LTA4H: variants seen among roughly 807,000 people sequenced by gnomAD.
LTA4H encodes leukotriene A-4 hydrolase.
LTA4H carries 59 observed loss-of-function variants against 89.8 expected under a neutral mutation model. The ratio of observed to expected loss-of-function variants is 0.66; its 90% CI spans 0.53 to 0.82. The LOEUF (loss-of-function observed/expected upper bound fraction) is 0.82, where lower values mean the gene tolerates loss of function less well. Among genes scored for constraint, LTA4H ranks in the 40% least tolerant of loss-of-function variants. LTA4H has a pLI of 0.00. For missense variants in LTA4H, 617 were observed against 727.0 expected (o/e 0.85, Z 1.74); for synonymous variants, 227 against 253.1 (o/e 0.90, Z 0.98).
chr12:96,026,232 T>A (rs1169291689), intron 3 of LTA4H, among the ~76,000 whole-genome samples: 1 of 152,212 alleles, frequency 6.6e-6, no homozygotes, highest in Non-Finnish European at 1.5e-5. Context: ...GGTTTTTAAA[T>A]GTATTTCATT....
chr12:96,035,971 C>G (rs975426542), upstream of LTA4H, among the ~76,000 whole-genome samples: 6 of 152,154 alleles, frequency 3.9e-5, no homozygotes, highest in East Asian at 3.9e-4. Flanking sequence ...GAGGGCGGGG[C>G]GGAGCAAAAA....
intron 1 of LTA4H, 59 bp downstream of exon 1, chr12:96,035,302 T>G: frequency 3.2e-6 from 5 of 1,540,516 alleles, no homozygotes; most frequent in Non-Finnish European, 4.4e-6. Context: ...CCGCAAGGAC[T>G]AGGGTCGAGG....
At chr12:96,024,601 T>G (rs1236952693) in intron 3 of LTA4H, 54 bp from the exon 4 acceptor site, 3 of 1,092,118 alleles carry the variant, frequency 2.7e-6, no homozygotes, top group Non-Finnish European at 1.4e-6. Flanking sequence ...CATAAGTCAT[T>G]AAGAAATCAT....
chr12:96,025,669 C>T (rs763508116), intron 3 of LTA4H, among the ~76,000 whole-genome samples: 9 of 151,378 alleles, frequency 5.9e-5, no homozygotes, highest in Non-Finnish European at 1.0e-4. Flanking sequence ...TACCTCTACA[C>T]AAAAAAAATT....
Position 96,021,077 on chromosome 12 carries a change from A to C in LTA4H, c.638+8T>G. ...TCCACAAACCTGAAAATTTTTCCAA[A>C]AGCTCACCTGCTTTCTAAAGCTCCA... is the stretch of plus-strand genomic sequence containing the variant. On this transcript the variant is annotated splice_region_variant and intron_variant, in intron 6 of 18. Transcript: ENST00000228740. 2 of 1,599,650 alleles carry C rather than the reference A, an allele frequency of 1.3e-6. No homozygotes were observed. The highest frequency in any genetic ancestry group is 1.8e-5 in the Admixed American group (1 of 55,712).
At chr12:96,031,522 GT>G (rs1481800897) in intron 1 of LTA4H, among the ~76,000 whole-genome samples, 12 of 152,288 alleles carry the variant, frequency 7.9e-5, no homozygotes, top group African/African-American at 2.6e-4. Flanking sequence ...TAAGAAACGT[GT>G]TAAGCATCAA....
At chr12:96,005,511 G>C (rs1209976788) in intron 16 of LTA4H, among the ~76,000 whole-genome samples, 1 of 152,052 alleles carries the variant, frequency 6.6e-6, no homozygotes, top group Non-Finnish European at 1.5e-5. Context: ...AGCTTTTCTA[G>C]TGTTACCTTC....
At chr12:96,034,454 G>A (rs1164767979) in intron 1 of LTA4H, among the ~76,000 whole-genome samples, 1 of 152,132 alleles carries the variant, frequency 6.6e-6, no homozygotes, top group Non-Finnish European at 1.5e-5. Flanking sequence ...CATTCCAATG[G>A]TTATAGAGTT....
At chr12:96,017,532 G>T in intron 9 of LTA4H, 25 bp downstream of exon 9, 1 of 1,595,920 alleles carries the variant, frequency 6.3e-7, no homozygotes, top group Non-Finnish European at 8.6e-7. Flanking sequence ...TGAAGGTAAG[G>T]CCATAATGAA....
At chr12:96,016,036 G>C (rs1052639123) in intron 10 of LTA4H, among the ~76,000 whole-genome samples, 2 of 152,196 alleles carry the variant, frequency 1.3e-5, no homozygotes, top group Non-Finnish European at 2.9e-5. Flanking sequence ...CTTGTTGGCC[G>C]GGCATGGTGG....
In LTA4H at chr12:96,024,489, T is replaced by C; in HGVS notation, c.470A>G (p.Tyr157Cys). Reference protein sequence around the residue: ...CQDTPSVKLTYTAEVSVPKEL... With the variant: ...CQDTPSVKLTCTAEVSVPKEL... ...ATTCGTAATATTTACCTCTGCAGTA[T>C]AGGTTAATTTCACAGAAGGAGTGTC... Residue 157 changes from tyrosine (Y) to cysteine (C), a missense_variant, in exon 4 of 19, where the codon TAT (tyrosine) becomes TGT (cysteine). Transcript: ENST00000228740. 6.2e-7 allele frequency: 1 copy of C among 1,601,588 alleles called. No individual in the cohort carries two copies. Among genetic ancestry groups the C allele is most frequent in the South Asian group, 1.1e-5 (1 of 90,776 alleles).
chr12:96,024,462 T>C lies in LTA4H; in HGVS notation c.480+17A>G. On this transcript the variant is annotated intron_variant, in intron 4 of 18. Coordinates refer to ENST00000228740, the MANE Select transcript of LTA4H (RefSeq NM_000895.3). Reference sequence around the variant, plus strand: ...GATATGCATCATTTAATTGAGTTAATAATTCGTAATATTTACCTCTGCAGT... The same window carrying C: ...GATATGCATCATTTAATTGAGTTAACAATTCGTAATATTTACCTCTGCAGT... 6.8e-7 allele frequency: 1 copy of C among 1,479,910 alleles called. No individual in the cohort carries two copies. The highest frequency in any genetic ancestry group is 9.4e-7 in the Non-Finnish European group (1 of 1,060,066). 91.7% of individuals were successfully genotyped at this position (1,479,910 alleles called of 1,614,324 possible).
At chr12:96,024,981 T>C (rs1950497816) in intron 3 of LTA4H, among the ~76,000 whole-genome samples, 1 of 152,216 alleles carries the variant, frequency 6.6e-6, no homozygotes, top group Non-Finnish European at 1.5e-5. Context: ...TGGGATCTTT[T>C]AAAGTCCAAA....
intron 3 of LTA4H, 113 bp downstream of exon 3, chr12:96,027,331 A>G: frequency 1.2e-6 from 1 of 847,458 alleles, no homozygotes; most frequent in Non-Finnish European, 1.8e-6. Context: ...ATCAATTAAT[A>G]CATTTTATTA....
intron 3 of LTA4H, among the ~76,000 whole-genome samples, chr12:96,027,167 C>T (rs1950521482): frequency 6.6e-6 from 1 of 152,122 alleles, no homozygotes; most frequent in Admixed American, 6.5e-5. Flanking sequence ...TGAGTACCTA[C>T]TCTCTGCTAA....
At chr12:96,016,132 G>T (rs1342508352) in intron 10 of LTA4H, among the ~76,000 whole-genome samples, 1 of 151,846 alleles carries the variant, frequency 6.6e-6, no homozygotes, top group East Asian at 1.9e-4. Context: ...TGGCCAACAT[G>T]GTGAAACCCC....
chr12:96,013,841 C>A lies in LTA4H; in HGVS notation c.1217G>T (p.Gly406Val). 2 of 1,485,580 alleles carry A rather than the reference C, an allele frequency of 1.3e-6. No homozygotes were observed. Among genetic ancestry groups the A allele is most frequent in the South Asian group, 1.2e-5 (1 of 84,340 alleles). 92.0% of individuals were successfully genotyped at this position (1,485,580 alleles called of 1,614,324 possible). Residue 406 changes from glycine to valine, a missense_variant, in exon 13 of 19, where the codon GGA becomes GTA. Gly to Val is a moderately radical substitution (Grantham distance 109). This residue lies in a region of LTA4H where 290 missense variants were observed against 339.1 expected (regional missense o/e 0.86). Coordinates refer to ENST00000228740, the MANE Select transcript of LTA4H (RefSeq NM_000895.3). ...CTTCTCAACATAAGCTTTTAAGAAT[C>A]CTAGGAAAATCTCTAAGAGTAAAAA... ...QLLGGPEIFL[G>V]FLKAYVEKFS...
At chr12:96,009,889 A>G (rs1038630056) in intron 14 of LTA4H, 2 of 152,220 alleles carry the variant, frequency 1.3e-5, no homozygotes, top group Admixed American at 6.5e-5. Flanking sequence ...TAAATGAAGT[A>G]AGTTTTGATT....
At chr12:96,002,352 T>C (rs924123865) in intron 18 of LTA4H, among the ~76,000 whole-genome samples, 2 of 152,214 alleles carry the variant, frequency 1.3e-5, no homozygotes, top group African/African-American at 4.8e-5. Context: ...AAAACTGCAA[T>C]TACTTTTGCA....
Sources: allele counts gnomAD v4.1 joint callset (sites outside exome capture counted in the v4.1 genomes callset), GRCh38; gene constraint gnomAD v4.1.1; regional missense constraint gnomAD v4.1.1; transcripts MANE v1.5; gene names NCBI Gene and HGNC (gene_info 2026-07-23, HGNC 2026-07-21).